TEKTIP1: variants seen among roughly 807,000 people sequenced by gnomAD.
TEKTIP1 encodes tektin bundle interacting protein 1.
the TEKTIP1 span, chr19:3,539,294 CCCCTCCCT>C: frequency 9.9e-5 from 127 of 1,283,246 alleles, 2 homozygotes; most frequent in Non-Finnish European, 1.2e-4. Flanking sequence ...CCCCTCCCAG[CCCCTCCCT>C]CCCTCCCTCC....
the TEKTIP1 span, chr19:3,541,755 G>A: frequency 1.7e-5 from 17 of 985,270 alleles, no homozygotes; most frequent in Middle Eastern, 5.2e-4. Context: ...TGGCAGGTGG[G>A]TACGGGGCCG....
chr19:3,543,209 A>T, the TEKTIP1 span: 1 of 1,535,822 alleles, frequency 6.5e-7, no homozygotes, highest in Non-Finnish European at 8.8e-7. Flanking sequence ...ACATGGGCTC[A>T]GTCTCTGCCC....
At chr19:3,543,249 C>A in the TEKTIP1 span, 1 of 1,545,702 alleles carries the variant, frequency 6.5e-7, no homozygotes, top group Non-Finnish European at 8.7e-7. Flanking sequence ...GACTACCTGT[C>A]CCTGGAGGGT....
chr19:3,540,863 C>G, the TEKTIP1 span, among the ~76,000 whole-genome samples: 1 of 96,534 alleles, frequency 1.0e-5, no homozygotes, highest in African/African-American at 4.1e-5. Flanking sequence ...CAGAGCGAAA[C>G]TCCATCTCAA....
chr19:3,543,169 A>G, the TEKTIP1 span: 42 of 1,520,206 alleles, frequency 2.8e-5, no homozygotes, highest in East Asian at 1.5e-4. Flanking sequence ...CCTGGCAGAC[A>G]TCGCAAAGGG....
the TEKTIP1 span, chr19:3,543,289 CACACGCTGGAAGT>C: frequency 1.3e-6 from 2 of 1,548,406 alleles, no homozygotes; most frequent in African/African-American, 2.7e-5. Flanking sequence ...TCAGGCAGGC[CACACGCTGGAAGT>C]ACACGCCCAT....
At chr19:3,543,914 C>T in the TEKTIP1 span, 43 of 1,551,114 alleles carry the variant, frequency 2.8e-5, 2 homozygotes, top group South Asian at 3.1e-4. Flanking sequence ...AGCGCCCGCC[C>T]GGCACCACCC....
At chr19:3,542,702 C>G in the TEKTIP1 span, 2 of 1,265,392 alleles carry the variant, frequency 1.6e-6, no homozygotes, top group South Asian at 1.3e-5. Context: ...AGGCTGGTCT[C>G]GAACTCCTGA....
chr19:3,541,197 A>G, the TEKTIP1 span, among the ~76,000 whole-genome samples: 1 of 144,048 alleles, frequency 6.9e-6, no homozygotes, highest in Non-Finnish European at 1.5e-5. Flanking sequence ...TCAACCAGGC[A>G]TGGCGGCACG....
chr19:3,540,270 T>C, the TEKTIP1 span, among the ~76,000 whole-genome samples: 15 of 151,762 alleles, frequency 9.9e-5, no homozygotes, highest in African/African-American at 3.6e-4. Flanking sequence ...TTTTTGTTTT[T>C]TTTTTTGGAC....
chr19:3,541,443 C>G, the TEKTIP1 span: 1 of 152,238 alleles, frequency 6.6e-6, no homozygotes, highest in Non-Finnish European at 1.5e-5. Context: ...CTGCCTCAGC[C>G]TCCTGAGTAG....
At chr19:3,543,026 T>C in the TEKTIP1 span, 1 of 1,605,680 alleles carries the variant, frequency 6.2e-7, no homozygotes, top group Non-Finnish European at 8.5e-7. Context: ...GGGTGCGATG[T>C]GTGGGGAGAG....
the TEKTIP1 span, chr19:3,542,125 T>C: frequency 1.0e-6 from 1 of 985,274 alleles, no homozygotes; most frequent in Non-Finnish European, 1.2e-6. Flanking sequence ...TGTGCTGTTT[T>C]AATTGTGTTT....
chr19:3,543,480 G>GCCCCCCCCCCCC, the TEKTIP1 span: 1 of 1,337,366 alleles, frequency 7.5e-7, no homozygotes, highest in Admixed American at 2.2e-5. Context: ...TCGGGTGAGT[G>GCCCCCCCCCCCC]CCCCCCCCCC....
At chr19:3,541,082 T>C in the TEKTIP1 span, among the ~76,000 whole-genome samples, 2 of 146,606 alleles carry the variant, frequency 1.4e-5, no homozygotes, top group African/African-American at 5.1e-5. Context: ...GGCAGGAGAA[T>C]CGCTTGAACC....
chr19:3,539,222 G>A, the TEKTIP1 span: 497 of 1,550,630 alleles, frequency 3.2e-4, 3 homozygotes, highest in South Asian at 2.9e-3. Context: ...GTATCCCCTC[G>A]GGGACCCTCG....
chr19:3,542,473 CTCTTG>C, the TEKTIP1 span: 49 of 984,690 alleles, frequency 5.0e-5, no homozygotes, highest in African/African-American at 8.7e-5. Context: ...ATCTTTGAGT[CTCTTG>C]TCTTTTTGTT....
the TEKTIP1 span, chr19:3,543,970 G>A: frequency 1.3e-6 from 2 of 1,549,426 alleles, no homozygotes; most frequent in African/African-American, 1.4e-5. Context: ...CCCTCCACCT[G>A]CCAGCGGTCC....
the TEKTIP1 span, chr19:3,543,482 C>CCA: frequency 7.0e-7 from 1 of 1,433,664 alleles, no homozygotes; most frequent in Non-Finnish European, 9.3e-7. Context: ...GGGTGAGTGC[C>CCA]CCCCCCCCCG....
Sources: gnomAD v4.1 joint callset for allele counts (sites outside exome capture counted in the v4.1 genomes callset) on GRCh38, gnomAD v4.1.1 for gene constraint, MANE v1.5 for transcripts, NCBI Gene and HGNC (gene_info 2026-07-23, HGNC 2026-07-21) for gene names.